CR2: variants seen among roughly 807,000 people sequenced by gnomAD.
The protein encoded by CR2 is complement receptor type 2.
A neutral mutation model predicts 123.0 loss-of-function variants in CR2; 96 were observed. That is an observed-to-expected ratio of 0.78 (90% CI 0.66 to 0.93). CR2 has a LOEUF of 0.93. CR2 is among the 40% of genes least tolerant of loss of function. The probability of loss-of-function intolerance (pLI) is 0.00; values close to 1 mark genes in which losing one functional copy is unlikely to be tolerated. For synonymous variants in CR2, 484 were observed against 469.5 expected (o/e 1.03, Z -0.40); for missense variants, 1,258 against 1,361.0 (o/e 0.92, Z 1.19).
intron 9 of CR2, 109 bp downstream of exon 9, chr1:207,471,608 C>G (rs1331449059): frequency 3.7e-6 from 3 of 801,290 alleles, no homozygotes; most frequent in Non-Finnish European, 6.7e-6. Flanking sequence ...AGATTCTGTT[C>G]TATTGATTCT....
At chr1:207,474,105 G>A in intron 12 of CR2, 136 bp from the exon 13 acceptor site, 2 of 900,420 alleles carry the variant, frequency 2.2e-6, no homozygotes, top group Non-Finnish European at 3.6e-6. Context: ...TTTACTTGGA[G>A]TAAAAAAAAG....
Position 207,472,843 on chromosome 1 carries a change from T to C in CR2, c.1642T>C (p.Tyr548His), listed in dbSNP as rs141296410. 6.2e-7 allele frequency: 1 copy of C among 1,614,040 alleles called. No individual in the cohort carries two copies. The highest frequency in any genetic ancestry group is 8.5e-7 in the Non-Finnish European group (1 of 1,179,956). ...CGGGAGTTCCTTAGAAGATTTTCCA[T>C]ATGGAACCACGGTCACTTACACATG... Reference protein sequence around the residue: ...HTGSSLEDFPYGTTVTYTCNP... With the variant: ...HTGSSLEDFPHGTTVTYTCNP... The change falls in exon 10 of 20, where the codon TAT becomes CAT. Residue 548 changes from tyrosine to histidine, a missense_variant. Physicochemically the swap from Tyr to His is moderately conservative, Grantham distance 83. Transcript: ENST00000367057.
chr1:207,468,662 TCA>T lies in CR2; in HGVS notation c.582_583del (p.Ile195Ter). On this transcript the variant is annotated frameshift_variant, in exon 3 of 20. Transcript: ENST00000367057. LOFTEE classifies it high-confidence loss of function. ...GGTTACTTGCTTGTTGGAGAAAAGA[TCA>T]TTAACTGTTTGTCTTCGGGAAAATG... The T allele has an allele frequency of 6.2e-7, 1 of 1,614,104 alleles. No homozygotes were observed. The highest frequency in any genetic ancestry group is 8.5e-7 in the Non-Finnish European group (1 of 1,179,972).
chr1:207,470,636 A>G, intron 6 of CR2, 104 bp from the exon 7 acceptor site: 1 of 1,100,006 alleles, frequency 9.1e-7, no homozygotes, highest in Non-Finnish European at 1.4e-6. Flanking sequence ...CATACAGCTG[A>G]CGCCAGAGTG....
chr1:207,485,171 A>G (rs1658715288), intron 18 of CR2, among the ~76,000 whole-genome samples: 1 of 152,212 alleles, frequency 6.6e-6, no homozygotes. Flanking sequence ...GAAACATCAT[A>G]CACTGGGACC....
At chr1:207,468,003 A>G (rs1489364406) in intron 2 of CR2, among the ~76,000 whole-genome samples, 1 of 152,176 alleles carries the variant, frequency 6.6e-6, no homozygotes, top group Non-Finnish European at 1.5e-5. Flanking sequence ...GGGTGAGAAT[A>G]TAGGTGAAAA....
chr1:207,461,875 C>G (rs189188908), intron 1 of CR2, among the ~76,000 whole-genome samples: 43 of 152,158 alleles, frequency 2.8e-4, no homozygotes, highest in Middle Eastern at 3.4e-3. Context: ...AGATAAAAGA[C>G]CAGTAAATTC....
rs1466416468 is a variant in CR2 at position 207,472,781 on chromosome 1, G to T, written c.1580G>T (p.Cys527Phe). 1.9e-6 allele frequency: 3 copies of T among 1,613,682 alleles called. No homozygotes were observed. The highest frequency in any genetic ancestry group is 3.3e-4 in the Middle Eastern group (2 of 6,056). ...CTTTTCATCTCTCTAGAAATCACCTGCCCACCACCCCCTGTTATCTACAAT... is the reference window on the plus strand; with the variant it reads ...CTTTTCATCTCTCTAGAAATCACCTTCCCACCACCCCCTGTTATCTACAAT... ...MEIRLCKEIT[C>F]PPPPVIYNGA... The change falls in exon 10 of 20, where the codon TGC becomes TTC. Residue 527 changes from cysteine (C) to phenylalanine (F), a missense_variant. Physicochemically the swap from Cys to Phe is radical, Grantham distance 205 (BLOSUM62 -2). Coordinates refer to ENST00000367057, the MANE Select transcript of CR2 (RefSeq NM_001006658.3).
intron 1 of CR2, among the ~76,000 whole-genome samples, chr1:207,455,833 G>A (rs935846444): frequency 6.6e-6 from 1 of 152,184 alleles, no homozygotes; most frequent in Admixed American, 6.5e-5. Context: ...GCAGCATCAT[G>A]TAGGTCACTT....
chr1:207,476,942 C>G (rs1460171130), intron 15 of CR2, among the ~76,000 whole-genome samples: 1 of 152,194 alleles, frequency 6.6e-6, no homozygotes, highest in Non-Finnish European at 1.5e-5. Flanking sequence ...ACCTGACATG[C>G]ATTATTTCAT....
intron 2 of CR2, among the ~76,000 whole-genome samples, chr1:207,467,987 A>T (rs1658151298): frequency 6.8e-6 from 1 of 146,088 alleles, no homozygotes; most frequent in Non-Finnish European, 1.5e-5. Context: ...AATAAGCTTA[A>T]GGATAGGGTG....
At chr1:207,478,527 A>C (rs1658508452) in intron 16 of CR2, among the ~76,000 whole-genome samples, 1 of 57,284 alleles carries the variant, frequency 1.7e-5, no homozygotes, top group Non-Finnish European at 3.5e-5. Context: ...GACCCTATCA[A>C]AAAAAAAAAA....
At position 207,454,465 on chromosome 1, in the gene CR2, C is replaced by T. The variant is rs375649712; in HGVS notation, c.47C>T (p.Pro16Leu). ...GGGGTTTTCTTGGCTCTCGTCGCACCGGGGGTCCTCGGTGAGCTGGGAGGG... is the reference window on the plus strand; with the variant it reads ...GGGGTTTTCTTGGCTCTCGTCGCACTGGGGGTCCTCGGTGAGCTGGGAGGG... ...LLGVFLALVA[P>L]GVLGISCGSP... Residue 16 changes from proline (P) to leucine (L), a missense_variant, in exon 1 of 20, where the codon CCG (proline) becomes CTG (leucine). By Grantham distance (98) the Pro-to-Leu change is moderately conservative. Coordinates refer to ENST00000367057, the MANE Select transcript of CR2 (RefSeq NM_001006658.3). The surrounding 1 kb of genome is among the most constrained non-coding windows in gnomAD (Gnocchi z 4.3). The T allele has an allele frequency of 4.5e-6, 7 of 1,571,214 alleles. No homozygotes were observed. Among genetic ancestry groups the T allele is most frequent in the Non-Finnish European group, 6.0e-6 (7 of 1,164,228 alleles).
chr1:207,472,271 G>C, intron 9 of CR2, among the ~76,000 whole-genome samples: 1 of 151,796 alleles, frequency 6.6e-6, no homozygotes, highest in Non-Finnish European at 1.5e-5. Flanking sequence ...AAAAAGAAAC[G>C]TAGAAAATTT....
At chr1:207,456,879 G>A (rs1406750229) in intron 1 of CR2, among the ~76,000 whole-genome samples, 1 of 152,136 alleles carries the variant, frequency 6.6e-6, no homozygotes, top group Non-Finnish European at 1.5e-5. Context: ...AGCCACACTG[G>A]CCTTCTCTTT....
At chr1:207,456,992 T>C (rs1263397934) in intron 1 of CR2, among the ~76,000 whole-genome samples, 1 of 152,224 alleles carries the variant, frequency 6.6e-6, no homozygotes, top group Non-Finnish European at 1.5e-5. Flanking sequence ...AGCCCTCTGT[T>C]GTGCTTCTCT....
intron 10 of CR2, 100 bp downstream of exon 10, chr1:207,473,279 C>A: frequency 7.2e-7 from 1 of 1,390,228 alleles, no homozygotes; most frequent in East Asian, 2.4e-5. Flanking sequence ...GCAAGAGGGG[C>A]ACAGATTACT....
At chr1:207,468,168 A>G (rs1658156546) in intron 2 of CR2, 1 of 301,760 alleles carries the variant, frequency 3.3e-6, no homozygotes, top group Non-Finnish European at 6.3e-6. Context: ...ACTAGGTTGA[A>G]AGTTAATACC....
Position 207,468,695 on chromosome 1 carries a change from C to T in CR2, c.614C>T (p.Ala205Val). The T allele has an allele frequency of 2.5e-6, 4 of 1,614,028 alleles. No individual in the cohort carries two copies. Among genetic ancestry groups the T allele is most frequent in the Non-Finnish European group, 3.4e-6 (4 of 1,179,924 alleles). Residue 205 changes from alanine (A) to valine (V), a missense_variant, in exon 3 of 20, where the codon GCT becomes GTT. Transcript: ENST00000367057. ...INCLSSGKWS[A>V]VPPTCEEARC... ...TGTTTGTCTTCGGGAAAATGGAGTG[C>T]TGTCCCCCCCACATGTGAAGGTACC...
Sources: gnomAD v4.1 joint callset for allele counts (sites outside exome capture counted in the v4.1 genomes callset) on GRCh38, gnomAD v4.1.1 for gene constraint, Gnocchi (gnomAD v3.1) non-coding constraint, MANE v1.5 for transcripts, NCBI Gene and HGNC (gene_info 2026-07-23, HGNC 2026-07-21) for gene names.